ZNF592: variants seen among roughly 807,000 people sequenced by gnomAD.
ZNF592 encodes the protein spinocerebellar ataxia, autosomal recessive 5.
Under a neutral mutation model 80.3 loss-of-function variants are expected in ZNF592, and 11 were observed. That is an observed-to-expected ratio of 0.14 (90% confidence interval 0.09 to 0.23). The LOEUF (loss-of-function observed/expected upper bound fraction) is 0.23, where lower values mean the gene tolerates loss of function less well. Among genes scored for constraint, ZNF592 ranks in the 10% least tolerant of loss-of-function variants. The pLI is 1.00. For missense variants in ZNF592, 1,420 were observed against 1,633.9 expected (o/e 0.87, Z 2.26); for synonymous variants, 646 against 640.3 (o/e 1.01, Z -0.13).
intron 1 of ZNF592, among the ~76,000 whole-genome samples, chr15:84,751,896 C>T (rs144383234): frequency 0.014 from 2,160 of 152,124 alleles, 56 homozygotes; most frequent in African/African-American, 0.048. Flanking sequence ...CAGAGCGAGA[C>T]TCCATCTCAA....
chr15:84,796,295 A>ATATATATATATATATATATATATAT (rs1567076451), intron 5 of ZNF592, among the ~76,000 whole-genome samples: 2 of 45,556 alleles, frequency 4.4e-5, no homozygotes, highest in East Asian at 9.4e-4. Flanking sequence ...ATATATATAT[A>ATATATATATATATATATATATATAT]AAAAAACGAA....
chr15:84,767,438 C>G lies in ZNF592; in HGVS notation c.-150+2623C>G, dbSNP rs1899562493. ...GGGTCCCCACTACCAAGAGATGATG[C>G]ATTTACAAAGTTTACTGGGAGGAAC... On this transcript the variant is annotated intron_variant, in intron 2 of 10. Transcript: ENST00000560079. Among the ~76,000 whole-genome samples the G allele has an allele frequency of 2.0e-5, 3 of 152,108 alleles. No homozygotes were observed. The South Asian group carries it at 6.2e-4, about 32-fold the overall frequency.
rs576319170 is a variant in ZNF592 at position 84,764,233 on chromosome 15, T to C, written c.-258-474T>C. Among the ~76,000 whole-genome samples the C allele has an allele frequency of 5.3e-5, 8 of 152,308 alleles. No homozygotes were observed. The East Asian group carries it at 1.3e-3, about 26-fold the overall frequency. Reference sequence around the variant, plus strand: ...CTTTCTGTCCTCTCTGCATGCAATTTCTGGGGCACTCTGAAAACTTAGGAG... The same window carrying C: ...CTTTCTGTCCTCTCTGCATGCAATTCCTGGGGCACTCTGAAAACTTAGGAG... On this transcript the variant is annotated intron_variant, in intron 1 of 10. Transcript: ENST00000560079.
rs144143276 is a variant in ZNF592 at position 84,799,973 on chromosome 15, C to T, written c.3269C>T (p.Pro1090Leu). The change falls in exon 10 of 11, where the codon CCT becomes CTT. Residue 1090 changes from proline (P) to leucine (L), a missense_variant. Transcript: ENST00000560079. This position sits in a 1 kb window ranked among gnomAD's most constrained non-coding sequence, Gnocchi z 4.2. ...SKVKPPGGHS[P>L]QVNHLKRPVS... Reference sequence around the variant, plus strand: ...GTGAAACCTCCGGGTGGACATTCCCCTCAGGTGAGTGTGGGCTCCCTGCCT... The same window carrying T: ...GTGAAACCTCCGGGTGGACATTCCCTTCAGGTGAGTGTGGGCTCCCTGCCT... 313 of 1,614,190 alleles carry T rather than the reference C, an allele frequency of 1.9e-4. 1 individual carries two copies. In the East Asian group the frequency reaches 7.0e-3, roughly 36 times the overall value.
At chr15:84,790,570 C>T (rs1962717596) in intron 4 of ZNF592, 135 bp from the exon 5 acceptor site, 1 of 888,096 alleles carries the variant, frequency 1.1e-6, no homozygotes, top group South Asian at 1.4e-5. Flanking sequence ...CAGAAGTGTC[C>T]AGGAGAGTTG....
At chr15:84,776,352 T>C (rs1962252142) in intron 2 of ZNF592, among the ~76,000 whole-genome samples, 1 of 152,288 alleles carries the variant, frequency 6.6e-6, no homozygotes, top group Non-Finnish European at 1.5e-5. Flanking sequence ...TGGTGTATGC[T>C]GAAACTTTTT....
At chr15:84,785,037 T>C in intron 4 of ZNF592, 142 bp downstream of exon 4, 1 of 1,058,202 alleles carries the variant, frequency 9.4e-7, no homozygotes, top group Non-Finnish European at 1.4e-6. Context: ...CCTGAATATT[T>C]AGTGTTTGGT....
chr15:84,801,578 A>G (rs560934207), intron 10 of ZNF592, among the ~76,000 whole-genome samples: 3 of 152,212 alleles, frequency 2.0e-5, no homozygotes, highest in Non-Finnish European at 4.4e-5. Context: ...GGCATAGGAT[A>G]CCTCTTGGAG....
rs1963231637 is a variant in ZNF592, at chr15:84,806,296, C to A, written c.*3903C>A. 1 of 152,148 alleles carries A rather than the reference C, an allele frequency of 6.6e-6. No individual in the cohort carries two copies. The allele number at this position is 152,148 out of a possible 1,614,324, so 9.4% of individuals were successfully genotyped here. On this transcript the variant is annotated 3_prime_UTR_variant, in exon 11 of 11. Transcript: ENST00000560079. ...GGAACTGGGCACAGGAAGCCTTGGG[C>A]CCCTGGAGGAAAAAGTTGAGACTAG...
At chr15:84,752,373 C>T (rs1031861446) in intron 1 of ZNF592, among the ~76,000 whole-genome samples, 10 of 152,168 alleles carry the variant, frequency 6.6e-5, no homozygotes, top group Non-Finnish European at 1.5e-4. Context: ...AGTTCTCTAG[C>T]ACAGTTGCGG....
At chr15:84,774,114 A>G (rs1421215191) in intron 2 of ZNF592, among the ~76,000 whole-genome samples, 2 of 152,208 alleles carry the variant, frequency 1.3e-5, no homozygotes, top group African/African-American at 2.4e-5. Context: ...GTTCCTTCAC[A>G]TTTGCCTTCA....
intron 1 of ZNF592, among the ~76,000 whole-genome samples, chr15:84,764,063 A>G (rs1165169987): frequency 5.9e-5 from 9 of 152,146 alleles, no homozygotes; most frequent in Admixed American, 6.5e-5. Flanking sequence ...CTACACTGCT[A>G]TCTGCCCCCG....
intron 1 of ZNF592, among the ~76,000 whole-genome samples, chr15:84,751,676 G>A (rs1173164932): frequency 5.9e-5 from 9 of 151,754 alleles, no homozygotes; most frequent in African/African-American, 2.2e-4. Context: ...ACACTGAGGC[G>A]GGTGGATCAC....
Position 84,761,068 on chromosome 15 carries a change from A to G in ZNF592, c.-258-3639A>G, listed in dbSNP as rs555290315. Reference sequence around the variant, plus strand: ...AACCTCCATCTCCCGGATTCAAGCAATTCTCTTGCCTCAGCCTCCTAAGTA... The same window carrying G: ...AACCTCCATCTCCCGGATTCAAGCAGTTCTCTTGCCTCAGCCTCCTAAGTA... On this transcript the variant is annotated intron_variant, in intron 1 of 10. Coordinates refer to ENST00000560079, the MANE Select transcript of ZNF592 (RefSeq NM_014630.3). Among the ~76,000 whole-genome samples, 20 of 152,204 alleles carry G rather than the reference A, an allele frequency of 1.3e-4. No homozygotes were observed. The East Asian group carries it at 2.1e-3, about 16-fold the overall frequency.
Position 84,798,214 on chromosome 15 carries a change from A to G in ZNF592, c.2577-101A>G. On this transcript the variant is annotated intron_variant, in intron 6 of 10. Transcript: ENST00000560079. The surrounding 1 kb of genome is among the most constrained non-coding windows in gnomAD (Gnocchi z 4.5). Reference sequence around the variant, plus strand: ...GGGAGCATCCACATTGGCTCAGGGTAGTGCTTTCCCAAACTTGACCCTGGT... The same window carrying G: ...GGGAGCATCCACATTGGCTCAGGGTGGTGCTTTCCCAAACTTGACCCTGGT... 1.3e-6 allele frequency: 2 copies of G among 1,585,682 alleles called. No homozygotes were observed. The highest frequency in any genetic ancestry group is 1.7e-6 in the Non-Finnish European group (2 of 1,160,546).
At chr15:84,772,172 T>C (rs1962100357) in intron 2 of ZNF592, among the ~76,000 whole-genome samples, 1 of 152,174 alleles carries the variant, frequency 6.6e-6, no homozygotes, top group Admixed American at 6.5e-5. Context: ...GCCTCTTTTT[T>C]CTGTTTCCTC....
chr15:84,799,232 T>C lies in ZNF592; in HGVS notation c.3137+22T>C. On this transcript the variant is annotated intron_variant, in intron 9 of 10. Coordinates refer to ENST00000560079, the MANE Select transcript of ZNF592 (RefSeq NM_014630.3). This position sits in a 1 kb window ranked among gnomAD's most constrained non-coding sequence, Gnocchi z 4.2. ...GCGGGTGAGTCCCTGGGGATAGTAG[T>C]GAGGAGGCCTGAGGTTCAAAAGACT... The C allele has an allele frequency of 6.2e-7, 1 of 1,605,452 alleles. No individual in the cohort carries two copies. The highest frequency in any genetic ancestry group is 8.5e-7 in the Non-Finnish European group (1 of 1,172,190).
chr15:84,765,800 T>C lies in ZNF592; in HGVS notation c.-150+985T>C, dbSNP rs575011813. ...ATCTGCCTGCCTCGGCCTCCTAAAG[T>C]GTAGGGATTACAGGCATGAGCCACC... On this transcript the variant is annotated intron_variant, in intron 2 of 10. Transcript: ENST00000560079. Among the ~76,000 whole-genome samples, 12 of 152,172 alleles carry C rather than the reference T, an allele frequency of 7.9e-5. No homozygotes were observed. The East Asian group carries it at 2.3e-3, about 29-fold the overall frequency.
chr15:84,783,651 C>T lies in ZNF592; in HGVS notation c.976C>T (p.Pro326Ser), dbSNP rs764227420. The change falls in exon 4 of 11, where the codon CCC (proline) becomes TCC (serine). Residue 326 changes from proline (P) to serine (S), a missense_variant. Coordinates refer to ENST00000560079, the MANE Select transcript of ZNF592 (RefSeq NM_014630.3). The surrounding 1 kb of genome is among the most constrained non-coding windows in gnomAD (Gnocchi z 5.0). ...GAGTTCTAAAGGTAGCCCCAAAATG[C>T]CCAAGTCACCAAAGAGTCCCCGGAG... ...KESSKGSPKM[P>S]KSPKSPRSPL... 5.0e-6 allele frequency: 8 copies of T among 1,614,068 alleles called. No homozygotes were observed. The African/African-American group carries it at 9.3e-5, about 19-fold the overall frequency.
Sources: allele counts gnomAD v4.1 joint callset (sites outside exome capture counted in the v4.1 genomes callset), GRCh38; gene constraint gnomAD v4.1.1; non-coding constraint Gnocchi (gnomAD v3.1); transcripts MANE v1.5; gene names NCBI Gene and HGNC (gene_info 2026-07-23, HGNC 2026-07-21).